LPP: variants seen among roughly 807,000 people sequenced by gnomAD.
The protein encoded by LPP is lipoma-preferred partner.
A neutral mutation model predicts 60.4 loss-of-function variants in LPP; 38 were observed. The ratio of observed to expected loss-of-function variants is 0.63; its 90% CI spans 0.49 to 0.83. The LOEUF (loss-of-function observed/expected upper bound fraction) is 0.83, where lower values mean the gene tolerates loss of function less well. Ranked by LOEUF, LPP falls within the 40% of genes least tolerant of loss-of-function variation. The pLI, the probability that LPP is intolerant of heterozygous loss-of-function variation, is 0.00. For missense variants in LPP, 902 were observed against 783.6 expected (o/e 1.15, Z -1.80); for synonymous variants, 328 against 290.8 (o/e 1.13, Z -1.30).
intron 1 of LPP, among the ~76,000 whole-genome samples, chr3:188,225,021 A>G (rs1308759785): frequency 1.3e-5 from 2 of 152,228 alleles, no homozygotes. Flanking sequence ...TTCAAAGAAC[A>G]TTAGGTCCTA....
chr3:188,719,052 T>C (rs769072701), intron 8 of LPP, among the ~76,000 whole-genome samples: 1 of 152,200 alleles, frequency 6.6e-6, no homozygotes, highest in Non-Finnish European at 1.5e-5. Flanking sequence ...GCTACATTTA[T>C]TGAACTTAAA....
At chr3:188,665,070 CA>C (rs373845695) in intron 7 of LPP, among the ~76,000 whole-genome samples, 3 of 151,970 alleles carry the variant, frequency 2.0e-5, no homozygotes, top group Admixed American at 6.6e-5. Context: ...TTTTAGTGCA[CA>C]AAAATGGAGT....
At chr3:188,214,787 G>A (rs982613208) in intron 1 of LPP, among the ~76,000 whole-genome samples, 1 of 152,026 alleles carries the variant, frequency 6.6e-6, no homozygotes, top group Non-Finnish European at 1.5e-5. Flanking sequence ...TGAGGGACAG[G>A]GACAGTAAGA....
intron 7 of LPP, among the ~76,000 whole-genome samples, chr3:188,633,425 G>C (rs560654671): frequency 2.5e-4 from 38 of 152,316 alleles, no homozygotes; most frequent in Non-Finnish European, 4.6e-4. Context: ...AGGCTTACTG[G>C]TGGCAGACAG....
chr3:188,538,382 A>G (rs1824218827), intron 6 of LPP, among the ~76,000 whole-genome samples: 3 of 152,242 alleles, frequency 2.0e-5, no homozygotes. Flanking sequence ...TAAGAAACAA[A>G]GTATCTGAAT....
At chr3:188,242,058 T>A (rs1725112108) in intron 2 of LPP, among the ~76,000 whole-genome samples, 2 of 152,224 alleles carry the variant, frequency 1.3e-5, no homozygotes, top group East Asian at 1.9e-4. Context: ...TTTGGGCTAA[T>A]AGGTGTTAAG....
At chr3:188,260,759 G>A (rs1206281248) in intron 2 of LPP, among the ~76,000 whole-genome samples, 2 of 152,082 alleles carry the variant, frequency 1.3e-5, no homozygotes, top group East Asian at 1.9e-4. Flanking sequence ...TGGGCTGGGC[G>A]CGGTGGTTCA....
At chr3:188,748,601 G>A (rs1727057775) in intron 8 of LPP, among the ~76,000 whole-genome samples, 1 of 152,040 alleles carries the variant, frequency 6.6e-6, no homozygotes, top group Non-Finnish European at 1.5e-5. Context: ...GGCTAACATA[G>A]TGAAACCCCG....
chr3:188,305,351 G>A (rs1021531259), intron 2 of LPP, among the ~76,000 whole-genome samples: 2 of 152,170 alleles, frequency 1.3e-5, no homozygotes, highest in African/African-American at 2.4e-5. Context: ...TTGGTAGCAG[G>A]TGTGGATTGG....
intron 6 of LPP, among the ~76,000 whole-genome samples, chr3:188,559,532 G>A (rs569498365): frequency 8.5e-4 from 130 of 152,068 alleles, no homozygotes; most frequent in Admixed American, 2.6e-3. Flanking sequence ...GTATGTCTTA[G>A]TCTTTATAGA....
At chr3:188,783,113 ATC>A (rs965330756) in intron 9 of LPP, among the ~76,000 whole-genome samples, 77 of 151,834 alleles carry the variant, frequency 5.1e-4, no homozygotes, top group African/African-American at 1.8e-3. Context: ...TCCATTCTTT[ATC>A]CTACCCAATG....
chr3:188,314,008 A>G (rs774399269), intron 2 of LPP, among the ~76,000 whole-genome samples: 11 of 152,174 alleles, frequency 7.2e-5, no homozygotes, highest in Non-Finnish European at 1.6e-4. Context: ...CATTATTTGA[A>G]TAATTTTAGA....
At chr3:188,249,011 A>T (rs905753111) in intron 2 of LPP, among the ~76,000 whole-genome samples, 3 of 152,160 alleles carry the variant, frequency 2.0e-5, no homozygotes, top group African/African-American at 7.2e-5. Flanking sequence ...TTATACATCC[A>T]CTGTGGTCTT....
At chr3:188,633,261 C>T (rs751250218) in intron 7 of LPP, among the ~76,000 whole-genome samples, 17 of 152,190 alleles carry the variant, frequency 1.1e-4, no homozygotes, top group Admixed American at 9.2e-4. Context: ...AGAACCCACC[C>T]GGGTCACCTC....
intron 4 of LPP, among the ~76,000 whole-genome samples, chr3:188,481,901 G>A (rs1804879719): frequency 6.6e-6 from 1 of 152,118 alleles, no homozygotes; most frequent in Admixed American, 6.5e-5. Context: ...TATAAAATGG[G>A]TATGAAGAAG....
At chr3:188,495,005 C>G (rs942137072) in intron 5 of LPP, among the ~76,000 whole-genome samples, 1 of 138,508 alleles carries the variant, frequency 7.2e-6, no homozygotes, top group Non-Finnish European at 1.5e-5. Context: ...TTGATTTGCA[C>G]CATGCCTCCT....
intron 2 of LPP, among the ~76,000 whole-genome samples, chr3:188,329,065 G>A (rs968357192): frequency 2.0e-5 from 3 of 152,086 alleles, no homozygotes; most frequent in Non-Finnish European, 4.4e-5. Flanking sequence ...CAGGGAAACG[G>A]CTTCTTAGTA....
intron 2 of LPP, among the ~76,000 whole-genome samples, chr3:188,335,134 A>G (rs1007751859): frequency 6.6e-6 from 1 of 152,208 alleles, no homozygotes; most frequent in African/African-American, 2.4e-5. Flanking sequence ...AAACCTTTCA[A>G]TTTGAACGTG....
intron 1 of LPP, among the ~76,000 whole-genome samples, chr3:188,211,517 G>A (rs1046620767): frequency 6.6e-6 from 1 of 152,196 alleles, no homozygotes; most frequent in East Asian, 1.9e-4. Context: ...ATTTCCCCTA[G>A]TGTCTGATCT....
Sources: gnomAD v4.1 joint callset for allele counts (sites outside exome capture counted in the v4.1 genomes callset) on GRCh38, gnomAD v4.1.1 for gene constraint, MANE v1.5 for transcripts, NCBI Gene and HGNC (gene_info 2026-07-23, HGNC 2026-07-21) for gene names.